Variants in AXL observed in about 807,000 individuals in gnomAD.
The protein encoded by AXL is AXL receptor tyrosine kinase, also known as tyrosine-protein kinase receptor UFO.
In AXL, 52 loss-of-function variants were observed where a neutral mutation model predicts 104.5. That is an observed-to-expected ratio of 0.50 (90% CI 0.40 to 0.63). The LOEUF (loss-of-function observed/expected upper bound fraction) is 0.63, where lower values mean the gene tolerates loss of function less well. AXL is among the 20% of genes least tolerant of loss of function. The pLI is 0.00. For synonymous variants in AXL, 455 were observed against 473.7 expected (o/e 0.96, Z 0.51); for missense variants, 1,024 against 1,188.5 (o/e 0.86, Z 2.04).
intron 6 of AXL, among the ~76,000 whole-genome samples, chr19:41,235,561 C>G (rs368360847): frequency 6.6e-6 from 1 of 152,068 alleles, no homozygotes; most frequent in African/African-American, 2.4e-5. Context: ...GGATTTGAGC[C>G]CCAGATCCAG....
intron 17 of AXL, among the ~76,000 whole-genome samples, chr19:41,255,701 A>G (rs931466131): frequency 2.7e-5 from 4 of 150,734 alleles, no homozygotes; most frequent in African/African-American, 9.8e-5. Context: ...TTGGCCTCCC[A>G]AGGTGCTGAA....
chr19:41,233,522 T>G (rs2034029145), intron 6 of AXL, among the ~76,000 whole-genome samples: 1 of 150,932 alleles, frequency 6.6e-6, no homozygotes, highest in Non-Finnish European at 1.5e-5. Context: ...TCCCAGATAC[T>G]CGGGAGGCTG....
intron 12 of AXL, 106 bp downstream of exon 12, chr19:41,243,813 T>G: frequency 1.1e-6 from 1 of 884,644 alleles, no homozygotes; most frequent in Non-Finnish European, 1.9e-6. Flanking sequence ...TCTAAAGGCC[T>G]TGGGATACTA....
chr19:41,259,439 T>C lies in AXL; in HGVS notation c.2334-114T>C, dbSNP rs1316437201. ...GGCCTCAAACTGCTGAGGCTCCCTA[T>C]AACCCTCTAAAATGCCCCCAGTCCC... On this transcript the variant is annotated intron_variant, in intron 19 of 19. Coordinates refer to ENST00000301178, the MANE Select transcript of AXL (RefSeq NM_021913.5). 3.4e-6 allele frequency: 3 copies of C among 875,582 alleles called. No individual in the cohort carries two copies. In the African/African-American group the frequency reaches 5.1e-5, roughly 15 times the overall value. The allele number at this position is 875,582 out of a possible 1,614,324, so 54.2% of individuals were successfully genotyped here. A position where few individuals can be genotyped will look rare whatever the true frequency, so the allele number is the denominator to read the frequency against.
intron 19 of AXL, 90 bp downstream of exon 19, chr19:41,257,719 A>C: frequency 2.0e-6 from 3 of 1,524,110 alleles, no homozygotes; most frequent in Non-Finnish European, 2.7e-6. Context: ...GACTCTCTAT[A>C]ACCCAGACAG....
intron 14 of AXL, among the ~76,000 whole-genome samples, chr19:41,250,634 G>T (rs1471474194): frequency 6.6e-6 from 1 of 152,078 alleles, no homozygotes; most frequent in Non-Finnish European, 1.5e-5. Context: ...GTAGAGACGG[G>T]GTTTCACCAT....
At chr19:41,234,360 C>A (rs1467823168) in intron 6 of AXL, among the ~76,000 whole-genome samples, 39 of 152,100 alleles carry the variant, frequency 2.6e-4, no homozygotes, top group Admixed American at 2.6e-3. Context: ...ATGGCTCACA[C>A]CTGTAATACT....
chr19:41,219,323 C>T lies in AXL; in HGVS notation c.-70C>T. On this transcript the variant is annotated 5_prime_UTR_variant, in exon 1 of 20. Coordinates refer to ENST00000301178, the MANE Select transcript of AXL (RefSeq NM_021913.5). Reference sequence around the variant, plus strand: ...GGGGAGCCTGGAGCTGGGGGGAGGGCCGGGGACAGCCCGGCCCTGCCCCCT... The same window carrying T: ...GGGGAGCCTGGAGCTGGGGGGAGGGTCGGGGACAGCCCGGCCCTGCCCCCT... The T allele has an allele frequency of 6.9e-7, 1 of 1,454,220 alleles. No homozygotes were observed. Among genetic ancestry groups the T allele is most frequent in the Non-Finnish European group, 9.3e-7 (1 of 1,073,882 alleles). The allele number at this position is 1,454,220 out of a possible 1,614,324, so 90.1% of individuals were successfully genotyped here.
At chr19:41,235,369 AATAG>A (rs71175697) in intron 6 of AXL, among the ~76,000 whole-genome samples, 17,204 of 80,412 alleles carry the variant, frequency 0.21, 976 homozygotes, top group East Asian at 0.24. Context: ...TAAATAAATA[AATAG>A]ATAGATAGAT....
At chr19:41,221,784 G>C (rs1328713118) in intron 3 of AXL, 96 bp from the exon 4 acceptor site, 2 of 1,349,658 alleles carry the variant, frequency 1.5e-6, no homozygotes, top group African/African-American at 2.9e-5. Context: ...CCTGCAGGGT[G>C]GGTTTGCTGC....
At chr19:41,252,011 G>T (rs2122273813) in intron 14 of AXL, among the ~76,000 whole-genome samples, 1 of 151,294 alleles carries the variant, frequency 6.6e-6, no homozygotes, top group South Asian at 2.1e-4. Flanking sequence ...TACTCAGGAG[G>T]CTGAGGCAGG....
chr19:41,238,576 C>G lies in AXL; in HGVS notation c.1101C>G (p.Tyr367Ter). ...CCCTGCAGGGTACCCTGTTAGGGTACCGGCTGGCGTATCAAGGCCAGGACA... is the reference window on the plus strand; with the variant it reads ...CCCTGCAGGGTACCCTGTTAGGGTAGCGGCTGGCGTATCAAGGCCAGGACA... The part of the protein sequence containing the change: ...RAPLQGTLLG[Y>*]RLAYQGQDTP... Residue 367 changes from tyrosine (Y) to a stop codon, truncating the protein, a stop_gained, in exon 8 of 20, where the codon TAC (tyrosine) becomes TAG (stop). Transcript: ENST00000301178. LOFTEE classifies it high-confidence loss of function. The G allele has an allele frequency of 6.2e-7, 1 of 1,612,958 alleles. No individual in the cohort carries two copies.
intron 14 of AXL, among the ~76,000 whole-genome samples, chr19:41,251,469 C>T (rs1022497246): frequency 4.0e-5 from 6 of 150,874 alleles, no homozygotes; most frequent in Non-Finnish European, 7.4e-5. Flanking sequence ...GGCTGAGGTA[C>T]GAGAATCTCT....
At chr19:41,231,731 A>G (rs1221943906) in intron 6 of AXL, among the ~76,000 whole-genome samples, 1 of 152,134 alleles carries the variant, frequency 6.6e-6, no homozygotes, top group Non-Finnish European at 1.5e-5. Context: ...GTTCGAGACC[A>G]GCCTGGCCAA....
chr19:41,251,910 G>A (rs903850152), intron 14 of AXL, among the ~76,000 whole-genome samples: 4 of 151,304 alleles, frequency 2.6e-5, no homozygotes, highest in Non-Finnish European at 4.4e-5. Flanking sequence ...TCAGGAGATC[G>A]AAACCATCCT....
intron 18 of AXL, among the ~76,000 whole-genome samples, chr19:41,257,180 A>T (rs945388764): frequency 6.6e-6 from 1 of 151,932 alleles, no homozygotes; most frequent in African/African-American, 2.4e-5. Flanking sequence ...AGTAGCTGGG[A>T]TTACAGGCGC....
At chr19:41,231,952 A>AAC (rs2033998184) in intron 6 of AXL, among the ~76,000 whole-genome samples, 1 of 144,074 alleles carries the variant, frequency 6.9e-6, no homozygotes, top group African/African-American at 2.9e-5. Context: ...ACAACAACAA[A>AAC]AAAAATTTAA....
intron 6 of AXL, among the ~76,000 whole-genome samples, chr19:41,237,183 T>G (rs887208439): frequency 6.6e-6 from 1 of 152,186 alleles, no homozygotes; most frequent in African/African-American, 2.4e-5. Flanking sequence ...AGAACATTGC[T>G]TTTGCCTGTA....
chr19:41,248,847 C>T, intron 14 of AXL, 27 bp downstream of exon 14: 3 of 1,567,970 alleles, frequency 1.9e-6, no homozygotes, highest in Admixed American at 1.8e-5. Context: ...TGTGTAGGAC[C>T]CCCAGCTCCT....
Sources: allele counts gnomAD v4.1 joint callset (sites outside exome capture counted in the v4.1 genomes callset), GRCh38; gene constraint gnomAD v4.1.1; transcripts MANE v1.5; gene names NCBI Gene and HGNC (gene_info 2026-07-23, HGNC 2026-07-21).